The following TMEM278 variants were observed in gnomAD, a reference collection of about 807,000 sequenced individuals.
TMEM278 encodes the protein transmembrane protein 88B.
At chr1:1,428,317 C>G in the TMEM278 span, among the ~76,000 whole-genome samples, 2 of 151,812 alleles carry the variant, frequency 1.3e-5, no homozygotes, top group Non-Finnish European at 2.9e-5. Flanking sequence ...CTCTGGGGCT[C>G]CCAGGGGAGA....
chr1:1,430,208 TC>T, the TMEM278 span, among the ~76,000 whole-genome samples: 1 of 152,228 alleles, frequency 6.6e-6, no homozygotes, highest in African/African-American at 2.4e-5. Context: ...ATATTTACTT[TC>T]TTGGAAACAC....
At chr1:1,426,771 G>C in the TMEM278 span, among the ~76,000 whole-genome samples, 14,792 of 151,966 alleles carry the variant, frequency 0.097, 1,001 homozygotes, top group African/African-American at 0.19. Flanking sequence ...CCTCCTGCCA[G>C]CGTGGGGCTT....
the TMEM278 span, among the ~76,000 whole-genome samples, chr1:1,428,272 G>A: frequency 6.6e-5 from 10 of 151,770 alleles, no homozygotes; most frequent in East Asian, 5.8e-4. Flanking sequence ...AAGGCCTCCC[G>A]CGCCTGCCCA....
the TMEM278 span, among the ~76,000 whole-genome samples, chr1:1,428,999 CAA>C: frequency 0.039 from 3,634 of 93,184 alleles, 147 homozygotes; most frequent in African/African-American, 0.11. Flanking sequence ...GGCTCCGTCT[CAA>C]AAAAAAAAAA....
chr1:1,428,334 C>T, the TMEM278 span, among the ~76,000 whole-genome samples: 8 of 151,988 alleles, frequency 5.3e-5, no homozygotes, highest in South Asian at 1.2e-3. Context: ...GAGACACCCA[C>T]GCTCGGCCAA....
chr1:1,430,221 A>G, the TMEM278 span, among the ~76,000 whole-genome samples: 1 of 152,164 alleles, frequency 6.6e-6, no homozygotes, highest in South Asian at 2.1e-4. Flanking sequence ...TGGAAACACA[A>G]CAGTCTATTA....
chr1:1,429,989 T>C, the TMEM278 span, among the ~76,000 whole-genome samples: 2 of 152,192 alleles, frequency 1.3e-5, no homozygotes, highest in Non-Finnish European at 2.9e-5. Flanking sequence ...GCCTCCCAAG[T>C]AGCTGTGACT....
At chr1:1,426,130 G>A in the TMEM278 span, 177 of 1,401,484 alleles carry the variant, frequency 1.3e-4, no homozygotes, top group Non-Finnish European at 1.6e-4. Context: ...GCAGGAGCAT[G>A]AGTGAGCAGG....
chr1:1,428,636 C>T, the TMEM278 span, among the ~76,000 whole-genome samples: 1 of 152,048 alleles, frequency 6.6e-6, no homozygotes, highest in Non-Finnish European at 1.5e-5. Flanking sequence ...TTTTCTTTTA[C>T]CCCCTCATCA....
the TMEM278 span, among the ~76,000 whole-genome samples, chr1:1,428,611 T>C: frequency 1.3e-5 from 2 of 152,236 alleles, no homozygotes; most frequent in African/African-American, 4.8e-5. Flanking sequence ...GAATTCCTTC[T>C]CCATATCCTC....
At chr1:1,429,810 T>C in the TMEM278 span, among the ~76,000 whole-genome samples, 1 of 152,060 alleles carries the variant, frequency 6.6e-6, no homozygotes, top group Non-Finnish European at 1.5e-5. Context: ...GTCCAGGGAG[T>C]TATCTGCTTT....
At chr1:1,426,406 C>A in the TMEM278 span, 1 of 1,354,488 alleles carries the variant, frequency 7.4e-7, no homozygotes. Context: ...GCCCCGTGGG[C>A]GGGGGACTAG....
At chr1:1,427,908 T>G in the TMEM278 span, 1 of 931,094 alleles carries the variant, frequency 1.1e-6, no homozygotes, top group East Asian at 5.3e-5. Flanking sequence ...CGCGCAGCGC[T>G]CCCGGCTTAC....
the TMEM278 span, chr1:1,427,674 G>T: frequency 2.9e-5 from 38 of 1,326,806 alleles, no homozygotes; most frequent in African/African-American, 4.7e-4. Context: ...GGCCGTCCGC[G>T]CCCGCCTAGC....
chr1:1,427,855 C>T, the TMEM278 span: 1 of 1,302,000 alleles, frequency 7.7e-7, no homozygotes, highest in Non-Finnish European at 9.8e-7. Flanking sequence ...GTGGCCCGGC[C>T]CGGAAAACTG....
chr1:1,426,273 GC>G, the TMEM278 span: 2 of 1,492,004 alleles, frequency 1.3e-6, no homozygotes, highest in Non-Finnish European at 1.8e-6. Flanking sequence ...CTGCTGCCCG[GC>G]CGGCTGCTGG....
the TMEM278 span, chr1:1,427,632 C>G: frequency 7.5e-7 from 1 of 1,340,530 alleles, no homozygotes; most frequent in Non-Finnish European, 9.6e-7. Context: ...GTTCGGGCTT[C>G]TCTCGCTGCC....
chr1:1,427,827 C>T, the TMEM278 span: 2 of 1,361,822 alleles, frequency 1.5e-6, no homozygotes, highest in Non-Finnish European at 1.9e-6. Flanking sequence ...CCTCCGAGCT[C>T]GCGCGCGACC....
At chr1:1,427,686 C>T in the TMEM278 span, 1 of 1,330,388 alleles carries the variant, frequency 7.5e-7, no homozygotes, top group Non-Finnish European at 9.6e-7. Context: ...CCGCCTAGCC[C>T]GGCGCCTCCG....
Sources: allele counts gnomAD v4.1 joint callset (sites outside exome capture counted in the v4.1 genomes callset), GRCh38; gene constraint gnomAD v4.1.1; transcripts MANE v1.5; gene names NCBI Gene and HGNC (gene_info 2026-07-23, HGNC 2026-07-21).